Variants in MPDZ observed in about 807,000 individuals in gnomAD.
MPDZ encodes multiple PDZ domain protein.
MPDZ carries 234 observed loss-of-function variants against 239.1 expected under a neutral mutation model. The observed-to-expected ratio is 0.98, with a 90% CI of 0.88 to 1.09. The LOEUF is 1.09. MPDZ is among the 50% of genes least tolerant of loss of function. The pLI is 0.00. For missense variants in MPDZ, 3,175 were observed against 2,510.0 expected, an observed-to-expected ratio of 1.26 and a Z score of -5.66; for synonymous variants, 1,048 against 881.3, an observed-to-expected ratio of 1.19 and a Z score of -3.35.
intron 2 of MPDZ, 80 bp downstream of exon 2, chr9:13,250,220 T>A: frequency 7.3e-7 from 1 of 1,367,850 alleles, no homozygotes; most frequent in South Asian, 1.3e-5. Flanking sequence ...TCCTGCTATG[T>A]TAAACACAAC....
chr9:13,253,641 A>T (rs1269357251), intron 1 of MPDZ, among the ~76,000 whole-genome samples: 1 of 152,230 alleles, frequency 6.6e-6, no homozygotes, highest in Non-Finnish European at 1.5e-5. Context: ...GTCATGGCCA[A>T]CTGGCATGAC....
chr9:13,177,583 A>C (rs1190433619), intron 19 of MPDZ, among the ~76,000 whole-genome samples: 2 of 152,196 alleles, frequency 1.3e-5, no homozygotes, highest in Non-Finnish European at 2.9e-5. Context: ...GATGTGAGAA[A>C]TTTCCATGTC....
In MPDZ at chr9:13,125,185, T is replaced by G. The variant is rs763695725; in HGVS notation, c.4807+31A>C. On this transcript the variant is annotated intron_variant, in intron 35 of 46. Transcript: ENST00000319217. The stretch of plus-strand genomic sequence containing the variant: ...CTGCTGAGTTCAGGTGTTCCATATG[T>G]GCAGGACTCTCATGAGTCCAGAGGC... 2.6e-5 allele frequency: 40 copies of G among 1,529,774 alleles called. 1 individual carries two copies. In the South Asian group the frequency reaches 5.1e-4, roughly 19 times the overall value. 94.8% of individuals were successfully genotyped at this position (1,529,774 alleles called of 1,614,324 possible).
intron 1 of MPDZ, among the ~76,000 whole-genome samples, chr9:13,259,222 T>C (rs1284203693): frequency 6.7e-6 from 1 of 150,360 alleles, no homozygotes; most frequent in Non-Finnish European, 1.5e-5. Context: ...TTAGGCTTCC[T>C]AATATAGCCT....
intron 15 of MPDZ, among the ~76,000 whole-genome samples, chr9:13,191,271 T>C (rs1242820026): frequency 6.6e-6 from 1 of 152,156 alleles, no homozygotes. Flanking sequence ...AAACTATGCA[T>C]TTTATTCTTC....
intron 10 of MPDZ, among the ~76,000 whole-genome samples, chr9:13,211,413 G>C (rs936771495): frequency 2.0e-5 from 3 of 152,088 alleles, no homozygotes; most frequent in African/African-American, 7.2e-5. Flanking sequence ...GAGGTTCTCA[G>C]AGACAAAAAG....
In MPDZ at chr9:13,246,435, C is replaced by G. The variant is rs141226962; in HGVS notation, c.183+1200G>C. Among the ~76,000 whole-genome samples, 601 of 152,240 alleles carry G rather than the reference C, an allele frequency of 3.9e-3. 2 individuals are homozygous for G. Among genetic ancestry groups the G allele is most frequent in the Middle Eastern group, 0.017 (5 of 294 alleles). On this transcript the variant is annotated intron_variant, in intron 3 of 46. Transcript: ENST00000319217. ...GCAACCTGAGTGGCAGAATGAGACTCTGTCTCAAAAAAATAAAAATAAATA... is the reference window on the plus strand; with the variant it reads ...GCAACCTGAGTGGCAGAATGAGACTGTGTCTCAAAAAAATAAAAATAAATA...
intron 26 of MPDZ, among the ~76,000 whole-genome samples, chr9:13,144,827 C>T (rs1948216176): frequency 2.0e-5 from 3 of 152,026 alleles, no homozygotes; most frequent in African/African-American, 7.2e-5. Flanking sequence ...TCCTGCTTTA[C>T]AAAAGAGAAG....
chr9:13,217,860 C>T (rs1958558487), intron 8 of MPDZ, among the ~76,000 whole-genome samples: 1 of 151,760 alleles, frequency 6.6e-6, no homozygotes. Context: ...ATTCAGCATC[C>T]TGAATGATAA....
rs530637484 is a variant in MPDZ at position 13,217,352 on chromosome 9, A to AAAAC, written c.1087-62_1087-59dup. On this transcript the variant is annotated intron_variant, in intron 8 of 46. Coordinates refer to ENST00000319217, the MANE Select transcript of MPDZ (RefSeq NM_001378778.1). ...AATACGTAAAAAAAACAAAAAACAAAAAACAAACAAACAAACAAAAAAACC... is the reference window on the plus strand; with the variant it reads ...AATACGTAAAAAAAACAAAAAACAAAAAACAAACAAACAAACAAACAAAAAAACC... The AAAAC allele has an allele frequency of 4.5e-6, 5 of 1,110,498 alleles. No individual in the cohort carries two copies. In the South Asian group the frequency reaches 4.5e-5, roughly 10 times the overall value. The allele number at this position is 1,110,498 out of a possible 1,614,324, so 68.8% of individuals were successfully genotyped here. A position where few individuals can be genotyped will look rare whatever the true frequency, so the allele number is the denominator to read the frequency against.
intron 30 of MPDZ, 47 bp downstream of exon 30, chr9:13,136,665 A>T: frequency 1.7e-6 from 2 of 1,198,442 alleles, no homozygotes; most frequent in South Asian, 2.7e-5. Flanking sequence ...TCAGAGAAGA[A>T]ATGCTAACAA....
intron 1 of MPDZ, among the ~76,000 whole-genome samples, chr9:13,275,596 G>C (rs1006517001): frequency 6.6e-6 from 1 of 152,192 alleles, no homozygotes. Context: ...AGTGGCTTTG[G>C]AACTGGGTAA....
intron 38 of MPDZ, 49 bp downstream of exon 38, chr9:13,121,690 A>C (rs2131604215): frequency 6.3e-7 from 1 of 1,584,954 alleles, no homozygotes; most frequent in East Asian, 2.2e-5. Context: ...AAATGATTTA[A>C]GTCCCATCAT....
chr9:13,236,558 G>A (rs1471830354), intron 3 of MPDZ, among the ~76,000 whole-genome samples: 1 of 151,566 alleles, frequency 6.6e-6, no homozygotes, highest in East Asian at 2.0e-4. Flanking sequence ...TGGGATTACA[G>A]GCGTGAGCCA....
chr9:13,197,142 A>C (rs1029961347), intron 12 of MPDZ, among the ~76,000 whole-genome samples: 3 of 145,424 alleles, frequency 2.1e-5, no homozygotes, highest in African/African-American at 7.3e-5. Flanking sequence ...TCTCCTTAAA[A>C]GACTGTAAAC....
intron 12 of MPDZ, among the ~76,000 whole-genome samples, chr9:13,198,783 GTT>G (rs1183723509): frequency 3.9e-4 from 58 of 149,876 alleles, no homozygotes; most frequent in African/African-American, 1.4e-3. Flanking sequence ...GTGTGTGTGT[GTT>G]TTAGGACAGG....
chr9:13,255,479 T>C (rs911280748), intron 1 of MPDZ, among the ~76,000 whole-genome samples: 2 of 152,234 alleles, frequency 1.3e-5, no homozygotes, highest in African/African-American at 2.4e-5. Context: ...AATCATTAAG[T>C]ACAGAAGCTA....
chr9:13,121,766 C>A lies in MPDZ; in HGVS notation c.5204G>T (p.Gly1735Val), dbSNP rs530670552. Residue 1735 changes from glycine (G) to valine (V), a missense_variant, in exon 38 of 47, where the codon GGC (glycine) becomes GTC (valine). Transcript: ENST00000319217. ...TTTACCAACAATACTTAATCCTAGG[C>A]CTTTTCCCGGCTTCTTCTGCAGCTC... Reference protein sequence around the residue: ...TIELQKKPGKGLGLSIVGKRN... With the variant: ...TIELQKKPGKVLGLSIVGKRN... 3 of 1,613,962 alleles carry A rather than the reference C, an allele frequency of 1.9e-6. No homozygotes were observed. Among genetic ancestry groups the A allele is most frequent in the Non-Finnish European group, 8.5e-7 (1 of 1,179,890 alleles).
At chr9:13,220,093 G>A (rs925813919) in intron 7 of MPDZ, among the ~76,000 whole-genome samples, 3 of 151,930 alleles carry the variant, frequency 2.0e-5, no homozygotes, top group African/African-American at 7.2e-5. Context: ...TGGAGGGAAA[G>A]AAGAAAATGC....
Sources: allele counts gnomAD v4.1 joint callset (sites outside exome capture counted in the v4.1 genomes callset), GRCh38; gene constraint gnomAD v4.1.1; transcripts MANE v1.5; gene names NCBI Gene and HGNC (gene_info 2026-07-23, HGNC 2026-07-21).